The following NCOR2 variants were observed in gnomAD, a reference collection of about 807,000 sequenced individuals.
NCOR2 encodes the protein nuclear receptor corepressor 2, also known as CTG repeat protein 26.
NCOR2 carries 81 observed loss-of-function variants against 262.9 expected under a neutral mutation model. That is an observed-to-expected ratio of 0.31 (90% CI 0.26 to 0.37). The LOEUF is 0.37. Ranked by LOEUF, NCOR2 falls within the 10% of genes least tolerant of loss-of-function variation. The probability of loss-of-function intolerance (pLI) is 1.00; values close to 1 mark genes in which losing one functional copy is unlikely to be tolerated. For synonymous variants in NCOR2, 1,659 were observed against 1,559.3 expected (o/e 1.06, Z -1.51); for missense variants, 3,385 against 3,621.4 (o/e 0.93, Z 1.68).
In NCOR2 at chr12:124,345,997, G is replaced by A. The variant is rs185186036; in HGVS notation, c.4359+567C>T. 9.7e-3 allele frequency among the ~76,000 whole-genome samples: 1,372 copies of A among 141,708 alleles called. 22 individuals carry two copies. The highest frequency in any genetic ancestry group is 0.031 in the African/African-American group (1,282 of 40,890). The allele number at this position is 141,708 out of a possible 152,430, so 93.0% of individuals were successfully genotyped here. ...TCCCCTACTGAGCTGGGGCCGCCTGGGGGGACTGGGGCCTCTTGTGGTGCA... is the reference window on the plus strand; with the variant it reads ...TCCCCTACTGAGCTGGGGCCGCCTGAGGGGACTGGGGCCTCTTGTGGTGCA... On this transcript the variant is annotated intron_variant, in intron 31 of 46. Transcript: ENST00000405201.
At position 124,548,913 on chromosome 12, in the gene NCOR2, T is replaced by C. The variant is rs2051623486; in HGVS notation, c.-164-13302A>G. Among the ~76,000 whole-genome samples the C allele has an allele frequency of 6.6e-6, 1 of 152,212 alleles. No homozygotes were observed. On this transcript the variant is annotated intron_variant, in intron 1 of 32. Transcript: ENST00000458234. The surrounding 1 kb of genome is among the most constrained non-coding windows in gnomAD (Gnocchi z 5.1). ...ATCTGCTTTCTCGCGAATCCACGCTTACTCATTCTGAGTGGGAGCCAGCCA... is the reference window on the plus strand; with the variant it reads ...ATCTGCTTTCTCGCGAATCCACGCTCACTCATTCTGAGTGGGAGCCAGCCA...
At position 124,520,389 on chromosome 12, in the gene NCOR2, G is replaced by A. The variant is rs373081640; in HGVS notation, c.-118+15176C>T. 5.3e-5 allele frequency among the ~76,000 whole-genome samples: 8 copies of A among 152,250 alleles called. No individual in the cohort carries two copies. The East Asian group carries it at 5.8e-4, about 11-fold the overall frequency. Reference sequence around the variant, plus strand: ...CCACCAGGAAGCGGTGCCTGAGAGCGGCCGAGTCAGGCCTCACCACCTCCT... The same window carrying A: ...CCACCAGGAAGCGGTGCCTGAGAGCAGCCGAGTCAGGCCTCACCACCTCCT... On this transcript the variant is annotated intron_variant, in intron 1 of 46. Transcript: ENST00000404621.
Position 124,373,493 on chromosome 12 carries a change from A to AATC in NCOR2, c.2219-884_2219-883insGAT, listed in dbSNP as rs576483072. On this transcript the variant is annotated intron_variant, in intron 19 of 46. Coordinates refer to ENST00000405201, the Ensembl canonical transcript of NCOR2. ...CGCAGGGGCCCCGGGCACAGTGGAC[A>AATC]GTGAGGCCAGTGCGTGCGCAGGGGC... is the stretch of plus-strand genomic sequence containing the variant. 1.8e-3 allele frequency among the ~76,000 whole-genome samples: 172 copies of AATC among 97,620 alleles called. 1 individual carries two copies. The highest frequency in any genetic ancestry group is 0.015 in the East Asian group (32 of 2,134). The allele number at this position is 97,620 out of a possible 152,430, so 64.0% of individuals were successfully genotyped here.
exon 31 of NCOR2, chr12:124,346,598 G>T: frequency 6.3e-7 from 1 of 1,582,696 alleles, no homozygotes. Flanking sequence ...CGGCCGCGGG[G>T]CCAGGGGCAG....
intron 17 of NCOR2, among the ~76,000 whole-genome samples, chr12:124,379,255 C>T (rs1218992795): frequency 1.3e-5 from 2 of 152,096 alleles, no homozygotes; most frequent in African/African-American, 2.4e-5. Flanking sequence ...TTCCCCGCAC[C>T]GCACCCTGCT....
intron 1 of NCOR2, among the ~76,000 whole-genome samples, chr12:124,554,863 G>T (rs1473192934): frequency 6.6e-6 from 1 of 152,256 alleles, no homozygotes; most frequent in Non-Finnish European, 1.5e-5. Flanking sequence ...TTCCTGCACA[G>T]CAGAGCTGGC....
chr12:124,552,847 A>G (rs979379005), intron 1 of NCOR2, among the ~76,000 whole-genome samples: 6 of 151,468 alleles, frequency 4.0e-5, no homozygotes, highest in Admixed American at 2.6e-4. Context: ...ATGCCCAGCT[A>G]GTTTTCTATG....
chr12:124,520,324 G>A lies in NCOR2; in HGVS notation c.-118+15241C>T, dbSNP rs185325040. 3.8e-3 allele frequency among the ~76,000 whole-genome samples: 573 copies of A among 152,278 alleles called. 12 individuals carry two copies. The highest frequency in any genetic ancestry group is 8.1e-4 in the Non-Finnish European group (55 of 68,026). On this transcript the variant is annotated intron_variant, in intron 1 of 46. Coordinates refer to the NCOR2 transcript ENST00000404621. ...GCCCAGACCGTCGCCAAGACCAGGC[G>A]GGACCATGACACCCAGGCCAAACTG...
chr12:124,467,616 C>G (rs370676240), intron 4 of NCOR2, among the ~76,000 whole-genome samples: 1 of 106,888 alleles, frequency 9.4e-6, no homozygotes, highest in African/African-American at 3.7e-5. Flanking sequence ...TCCTCATTAC[C>G]CCCCTCATCT....
chr12:124,450,962 G>A (rs550601153), intron 6 of NCOR2, among the ~76,000 whole-genome samples: 8 of 152,264 alleles, frequency 5.3e-5, no homozygotes, highest in Non-Finnish European at 1.0e-4. Flanking sequence ...GAAGTGCCCA[G>A]AGGTGCCAGT....
At chr12:124,447,636 A>T (rs2045258708) in intron 7 of NCOR2, among the ~76,000 whole-genome samples, 1 of 152,204 alleles carries the variant, frequency 6.6e-6, no homozygotes, top group Non-Finnish European at 1.5e-5. Context: ...AAAGAGCTTA[A>T]GATAGTTATG....
rs1372198853 is a variant in NCOR2 at position 124,503,325 on chromosome 12, A to C, written c.-117-7957T>G. 3.3e-5 allele frequency among the ~76,000 whole-genome samples: 5 copies of C among 152,186 alleles called. No individual in the cohort carries two copies. The highest frequency in any genetic ancestry group is 6.5e-5 in the Admixed American group (1 of 15,274). The stretch of plus-strand genomic sequence containing the variant: ...CAGACTCCCCACCCAGGTGCTCAGC[A>C]GGGGGTGGCTGGATGGAGGGAGAAG... On this transcript the variant is annotated intron_variant, in intron 1 of 46. Coordinates refer to the NCOR2 transcript ENST00000404621. This position sits in a 1 kb window ranked among gnomAD's most constrained non-coding sequence, Gnocchi z 4.3.
chr12:124,502,747 G>A (rs2136960596), intron 1 of NCOR2, among the ~76,000 whole-genome samples: 1 of 152,312 alleles, frequency 6.6e-6, no homozygotes, highest in East Asian at 1.9e-4. Context: ...GGTCTCCTGT[G>A]GCAAGTCTGC....
chr12:124,514,075 GTGC>G (rs1243768495), intron 1 of NCOR2: 3 of 152,278 alleles, frequency 2.0e-5, no homozygotes, highest in Admixed American at 6.5e-5. Context: ...GGATGGAGGG[GTGC>G]TGGAGTGTGA....
chr12:124,459,940 G>A (rs779050142), intron 5 of NCOR2, among the ~76,000 whole-genome samples: 1 of 152,052 alleles, frequency 6.6e-6, no homozygotes, highest in Admixed American at 6.5e-5. Context: ...TGCACCTACC[G>A]TTCCCTGCCT....
At chr12:124,497,953 C>G (rs891307665), upstream of NCOR2, among the ~76,000 whole-genome samples, 1 of 152,198 alleles carries the variant, frequency 6.6e-6, no homozygotes, top group African/African-American at 2.4e-5. The surrounding 1 kb of genome is among the most constrained non-coding windows in gnomAD (Gnocchi z 4.2). Flanking sequence ...GGACCCAGCC[C>G]TGTTCTAAAA....
At chr12:124,500,901 G>A (rs2048668244) in intron 1 of NCOR2, among the ~76,000 whole-genome samples, 1 of 152,156 alleles carries the variant, frequency 6.6e-6, no homozygotes, top group Non-Finnish European at 1.5e-5. Flanking sequence ...CTGTGGGGAG[G>A]ATGAAAGGCA....
rs2044860992 is a variant in NCOR2, at chr12:124,442,389, C to T, written c.816-4393G>A. Among the ~76,000 whole-genome samples, 3 of 152,218 alleles carry T rather than the reference C, an allele frequency of 2.0e-5. No individual in the cohort carries two copies. The South Asian group carries it at 6.2e-4, about 32-fold the overall frequency. ...TCCTAGCCTCAAGTGATCCTCCCAC[C>T]TTGGCCTCCCAAAGTGCTGGGATGA... On this transcript the variant is annotated intron_variant, in intron 7 of 46. Transcript: ENST00000405201.
At chr12:124,451,506 C>T (rs1044080501) in intron 6 of NCOR2, among the ~76,000 whole-genome samples, 3 of 152,182 alleles carry the variant, frequency 2.0e-5, no homozygotes, top group Non-Finnish European at 2.9e-5. Context: ...CTCTCAGCCC[C>T]AGCGCTGGAG....
Sources: gnomAD v4.1 joint callset for allele counts (sites outside exome capture counted in the v4.1 genomes callset) on GRCh38, gnomAD v4.1.1 for gene constraint, Gnocchi (gnomAD v3.1) non-coding constraint, MANE v1.5 for transcripts, NCBI Gene and HGNC (gene_info 2026-07-23, HGNC 2026-07-21) for gene names.